PDGFRA: variants seen among roughly 807,000 people sequenced by gnomAD.
PDGFRA encodes platelet derived growth factor receptor alpha.
PDGFRA carries 25 observed loss-of-function variants against 121.5 expected under a neutral mutation model. That is an observed-to-expected ratio of 0.21 (90% CI 0.15 to 0.29). The LOEUF (loss-of-function observed/expected upper bound fraction) is 0.29. PDGFRA is among the 10% of genes least tolerant of loss of function. The pLI is 1.00. For missense variants in PDGFRA, 1,008 were observed against 1,345.1 expected (o/e 0.75, Z 3.92); for synonymous variants, 463 against 494.8 (o/e 0.94, Z 0.85).
chr4:54,276,201 C>A (rs1032364654), intron 12 of PDGFRA, among the ~76,000 whole-genome samples: 2 of 152,092 alleles, frequency 1.3e-5, no homozygotes, highest in Admixed American at 6.6e-5. Context: ...TTGACCCAAC[C>A]AATCAGCACT....
chr4:54,284,681 C>T (rs1724228980), intron 16 of PDGFRA, among the ~76,000 whole-genome samples: 1 of 151,332 alleles, frequency 6.6e-6, no homozygotes, highest in Non-Finnish European at 1.5e-5. Context: ...GGTGCTAAAC[C>T]ATTTGTGAGA....
intron 1 of PDGFRA, among the ~76,000 whole-genome samples, chr4:54,242,663 G>A (rs1237219872): frequency 6.6e-6 from 1 of 151,624 alleles, no homozygotes; most frequent in East Asian, 1.9e-4. Context: ...TTGTGTGTTT[G>A]TTGTTTGTTT....
chr4:54,239,766 A>G (rs1383136994), intron 1 of PDGFRA, among the ~76,000 whole-genome samples: 1 of 152,144 alleles, frequency 6.6e-6, no homozygotes, highest in Non-Finnish European at 1.5e-5. Context: ...CTGGCTGGCC[A>G]CATCTTTTGC....
rs1724952900 is a variant in PDGFRA at position 54,297,863 on chromosome 4, T to G, written c.*2591T>G. On this transcript the variant is annotated 3_prime_UTR_variant, in exon 23 of 23. Coordinates refer to ENST00000257290, the MANE Select transcript of PDGFRA (RefSeq NM_006206.6). ...GCCAATCTGTACAAAATGGTCCTAT[T>G]TTTGTGAAGAGGGACATAAGATAAA... The G allele has an allele frequency of 4.3e-6, 1 of 233,404 alleles. No individual in the cohort carries two copies. Among genetic ancestry groups the G allele is most frequent in the African/African-American group, 2.2e-5 (1 of 45,320 alleles). 14.5% of individuals were successfully genotyped at this position (233,404 alleles called of 1,614,324 possible).
chr4:54,269,148 C>T (rs558194623), intron 7 of PDGFRA, among the ~76,000 whole-genome samples: 37 of 152,050 alleles, frequency 2.4e-4, no homozygotes, highest in Middle Eastern at 3.2e-3. Context: ...TAATCAGCAT[C>T]CTAGTGTGCC....
At position 54,290,336 on chromosome 4, in the gene PDGFRA, C is replaced by T. The variant is rs1553906618; in HGVS notation, c.2904C>T (p.Asp968=). ...YKKSYEKIHL[D]FLKSDHPAVA... is the part of the protein sequence containing the mutation. ...AGAGTTATGAAAAAATTCACCTGGA[C>T]TTCCTGAAGAGTGACCATCCTGCTG... is the stretch of plus-strand genomic sequence containing the variant. Residue 968 remains aspartate, a synonymous_variant, in exon 22 of 23, where the codon GAC becomes GAT. Transcript: ENST00000257290. 1 of 1,611,786 alleles carries T rather than the reference C, an allele frequency of 6.2e-7. No homozygotes were observed. The highest frequency in any genetic ancestry group is 8.5e-7 in the Non-Finnish European group (1 of 1,177,890).
chr4:54,279,183 A>T (rs1723930974), intron 15 of PDGFRA, among the ~76,000 whole-genome samples: 1 of 152,224 alleles, frequency 6.6e-6, no homozygotes, highest in Admixed American at 6.5e-5. Context: ...TCAAACTTTA[A>T]GTGTAATGGA....
chr4:54,251,606 A>G (rs1050814892), intron 1 of PDGFRA, among the ~76,000 whole-genome samples: 1 of 152,230 alleles, frequency 6.6e-6, no homozygotes, highest in African/African-American at 2.4e-5. Context: ...TATAGAGCCA[A>G]TAAAAGCCAC....
chr4:54,250,945 A>T (rs1722022655), intron 1 of PDGFRA, among the ~76,000 whole-genome samples: 1 of 151,956 alleles, frequency 6.6e-6, no homozygotes, highest in Non-Finnish European at 1.5e-5. Flanking sequence ...TGCACCTGTA[A>T]TCCCAGTTAC....
intron 22 of PDGFRA, among the ~76,000 whole-genome samples, chr4:54,290,926 G>A (rs1724601701): frequency 6.6e-6 from 1 of 152,082 alleles, no homozygotes; most frequent in South Asian, 2.1e-4. Flanking sequence ...GTGAAGAGAG[G>A]CGGGACTGGG....
intron 7 of PDGFRA, among the ~76,000 whole-genome samples, chr4:54,269,754 A>C (rs965241666): frequency 6.7e-6 from 1 of 149,552 alleles, no homozygotes; most frequent in Non-Finnish European, 1.5e-5. Context: ...GCGATTCTTC[A>C]GCTTCAGCCT....
intron 8 of PDGFRA, 124 bp from the exon 9 acceptor site, chr4:54,272,269 GT>G (rs1723442045): frequency 1.0e-6 from 1 of 956,420 alleles, no homozygotes; most frequent in African/African-American, 1.6e-5. Flanking sequence ...TGTACAACTG[GT>G]TTCAGCCCCT....
chr4:54,287,619 G>T, intron 19 of PDGFRA, 78 bp downstream of exon 19: 1 of 779,944 alleles, frequency 1.3e-6, no homozygotes. Flanking sequence ...TCAAGCCCCA[G>T]GATGTAGACA....
chr4:54,273,366 C>T (rs1470223826), intron 9 of PDGFRA, among the ~76,000 whole-genome samples, 171 bp from the exon 10 acceptor site: 2 of 152,162 alleles, frequency 1.3e-5, no homozygotes, highest in African/African-American at 4.8e-5. Flanking sequence ...CCCTCTTCAG[C>T]ACATGCAGAC....
chr4:54,280,771 AT>A lies in PDGFRA; in HGVS notation c.2323+291del, dbSNP rs533682086. On this transcript the variant is annotated intron_variant, in intron 16 of 22. Coordinates refer to ENST00000257290, the MANE Select transcript of PDGFRA (RefSeq NM_006206.6). ...CAGTAAACATTTTTTAAAAAAAATA[AT>A]TATTTATTCTGATATAATGAACTTC... The A allele has an allele frequency of 0.011, 2,254 of 209,200 alleles. 27 individuals carry two copies. The highest frequency in any genetic ancestry group is 0.015 in the Non-Finnish European group (1,578 of 102,516). 13.0% of individuals were successfully genotyped at this position (209,200 alleles called of 1,614,324 possible).
At chr4:54,244,335 C>T (rs1217231772) in intron 1 of PDGFRA, among the ~76,000 whole-genome samples, 2 of 152,226 alleles carry the variant, frequency 1.3e-5, no homozygotes, top group African/African-American at 4.8e-5. Flanking sequence ...GGCAGACTGA[C>T]ACCTCACACA....
intron 16 of PDGFRA, chr4:54,282,101 G>T (rs1322173840): frequency 2.9e-5 from 10 of 347,732 alleles, no homozygotes; most frequent in Non-Finnish European, 3.4e-5. Context: ...TTGAAAAAAA[G>T]AAATTTAGGA....
intron 1 of PDGFRA, among the ~76,000 whole-genome samples, chr4:54,231,352 C>T (rs1720656755): frequency 6.6e-6 from 1 of 152,212 alleles, no homozygotes. Flanking sequence ...CGCCTCGCCG[C>T]GGTCGCTCCT....
Position 54,261,305 on chromosome 4 carries a change from T to G in PDGFRA, c.260T>G (p.Val87Gly). 6.2e-7 allele frequency: 1 copy of G among 1,614,022 alleles called. No homozygotes were observed. Among genetic ancestry groups the G allele is most frequent in the Non-Finnish European group, 8.5e-7 (1 of 1,179,994 alleles). Reference protein sequence around the residue: ...NSGLFVTVLEVSSASAAHTGL... With the variant: ...NSGLFVTVLEGSSASAAHTGL... The stretch of plus-strand genomic sequence containing the variant: ...GGCCTTTTTGTGACGGTCTTGGAAG[T>G]GAGCAGTGCCTCGGCGGCCCACACA... Residue 87 changes from valine to glycine, a missense_variant, in exon 3 of 23, where the codon GTG (valine) becomes GGG (glycine). Val to Gly is a moderately radical substitution (Grantham distance 109). Around this residue, in one of 5 missense-constraint regions of PDGFRA, gnomAD observed 575 missense variants for 701.8 expected, o/e 0.82. Transcript: ENST00000257290.
Sources: gnomAD v4.1 joint callset for allele counts (sites outside exome capture counted in the v4.1 genomes callset) on GRCh38, gnomAD v4.1.1 for gene constraint, gnomAD v4.1.1 regional missense constraint, MANE v1.5 for transcripts, NCBI Gene and HGNC (gene_info 2026-07-23, HGNC 2026-07-21) for gene names.